The following PCCA variants were observed in gnomAD, a reference collection of about 807,000 sequenced individuals.
PCCA encodes the protein propionyl-CoA carboxylase alpha chain, mitochondrial.
In PCCA, 74 loss-of-function variants were observed where a neutral mutation model predicts 101.3. That is an observed-to-expected ratio of 0.73 (90% CI 0.61 to 0.89). The LOEUF is 0.89. Among genes scored for constraint, PCCA ranks in the 40% least tolerant of loss-of-function variants. PCCA has a pLI of 0.00. For missense variants in PCCA, 891 were observed against 907.0 expected, an observed-to-expected ratio of 0.98 and a Z score of 0.23; for synonymous variants, 294 against 313.6, an observed-to-expected ratio of 0.94 and a Z score of 0.66.
intron 11 of PCCA, 151 bp from the exon 12 acceptor site, chr13:100,273,045 A>G: frequency 1.6e-6 from 1 of 624,842 alleles, no homozygotes; most frequent in South Asian, 2.0e-5. Context: ...CATATATTAT[A>G]AAACATATAT....
intron 23 of PCCA, 108 bp downstream of exon 23, chr13:100,527,860 C>A: frequency 1.2e-6 from 1 of 827,466 alleles, no homozygotes; most frequent in Non-Finnish European, 2.1e-6. Context: ...CGCCCTCTCC[C>A]CCTCGCTTCT....
chr13:100,465,913 C>T (rs1050726450), intron 21 of PCCA, among the ~76,000 whole-genome samples: 4 of 152,316 alleles, frequency 2.6e-5, no homozygotes, highest in South Asian at 2.1e-4. Flanking sequence ...ACATGTTTAG[C>T]GAATAGCTGT....
In PCCA at chr13:100,155,598, AC is replaced by A. The variant is rs1341713765; in HGVS notation, c.414+511del. Among the ~76,000 whole-genome samples, 5 of 152,034 alleles carry A rather than the reference AC, an allele frequency of 3.3e-5. No homozygotes were observed. The East Asian group carries it at 9.6e-4, about 29-fold the overall frequency. On this transcript the variant is annotated intron_variant, in intron 5 of 23. Transcript: ENST00000376285. ...TTTACAAGGATAAATCATTCTCTCC[AC>A]CCCCAGTTCTGTTTGAATAGAGTGG...
chr13:100,446,021 A>G (rs1035674376), intron 20 of PCCA, among the ~76,000 whole-genome samples: 2 of 151,980 alleles, frequency 1.3e-5, no homozygotes, highest in Admixed American at 6.6e-5. Context: ...AATCTTGTTC[A>G]TGTTTTTTTT....
At chr13:100,521,539 A>G (rs942440038) in intron 22 of PCCA, among the ~76,000 whole-genome samples, 4 of 152,176 alleles carry the variant, frequency 2.6e-5, no homozygotes, top group Non-Finnish European at 4.4e-5. Flanking sequence ...TTACATGAAG[A>G]TGTTGGGATG....
chr13:100,412,657 G>A (rs2078125474), intron 19 of PCCA, among the ~76,000 whole-genome samples: 2 of 152,130 alleles, frequency 1.3e-5, no homozygotes, highest in South Asian at 4.1e-4. Context: ...TCAACCTAAT[G>A]GATAGTTAGT....
At chr13:100,409,102 G>T (rs1173255938) in intron 19 of PCCA, among the ~76,000 whole-genome samples, 2 of 152,106 alleles carry the variant, frequency 1.3e-5, no homozygotes, top group Non-Finnish European at 2.9e-5. Flanking sequence ...GGAGGAGGGA[G>T]GTAGGGAGCT....
rs1453675894 is a variant in PCCA at position 100,406,714 on chromosome 13, A to G, written c.1747-18919A>G. Among the ~76,000 whole-genome samples, 5 of 152,242 alleles carry G rather than the reference A, an allele frequency of 3.3e-5. No individual in the cohort carries two copies. The South Asian group carries it at 1.0e-3, about 32-fold the overall frequency. On this transcript the variant is annotated intron_variant, in intron 19 of 23. Transcript: ENST00000376285. ...CAAGAGTGAAACTGTCTCCCCACCC[A>G]AAAAAAGAGAAAAATAGTTCAAAAT...
rs1282588684 is a variant in PCCA at position 100,444,047 on chromosome 13, G to A, written c.1846-5205G>A. ...TCTCTTTGTACAAGATCTGACCTGG[G>A]TTTATAATTCCTTCCTGGTTTCCTT... On this transcript the variant is annotated intron_variant, in intron 20 of 23. Transcript: ENST00000376285. Among the ~76,000 whole-genome samples the A allele has an allele frequency of 2.0e-5, 3 of 151,982 alleles. No homozygotes were observed. The East Asian group carries it at 5.8e-4, about 29-fold the overall frequency.
intron 12 of PCCA, among the ~76,000 whole-genome samples, chr13:100,284,847 C>T (rs1026987845): frequency 1.1e-4 from 16 of 152,206 alleles, no homozygotes; most frequent in African/African-American, 3.9e-4. Context: ...GGATAGCCCT[C>T]ATCGGTTTGG....
chr13:100,307,169 C>A (rs1555413151), intron 14 of PCCA, 23 bp from the exon 15 acceptor site: 2 of 1,570,550 alleles, frequency 1.3e-6, no homozygotes, highest in East Asian at 2.2e-5. Context: ...AATTACTTTT[C>A]TTTTTTTCTT....
chr13:100,413,666 A>G (rs1238893954), intron 19 of PCCA, among the ~76,000 whole-genome samples: 1 of 152,008 alleles, frequency 6.6e-6, no homozygotes, highest in Admixed American at 6.6e-5. Context: ...CCTCACAACC[A>G]CTCCTTGAAT....
rs117700640 is a variant in PCCA, at chr13:100,133,660, T to A, written c.301-21319T>A. On this transcript the variant is annotated intron_variant, in intron 4 of 23. Coordinates refer to ENST00000376285, the MANE Select transcript of PCCA (RefSeq NM_000282.4). ...AAATAGTATTTCTCTATTGTGATGG[T>A]TAATATTGAGTGTCAACTTGATTGG... 3.0e-3 allele frequency among the ~76,000 whole-genome samples: 452 copies of A among 152,240 alleles called. 1 individual carries two copies. Among genetic ancestry groups the A allele is most frequent in the Middle Eastern group, 0.017 (5 of 294 alleles).
At chr13:100,128,291 AC>A (rs1555351775) in intron 4 of PCCA, among the ~76,000 whole-genome samples, 4 of 152,122 alleles carry the variant, frequency 2.6e-5, no homozygotes, top group Non-Finnish European at 5.9e-5. Flanking sequence ...CCCTCCCACC[AC>A]AAAACGAAGT....
At chr13:100,427,216 CCAAAACAAACAAA>C (rs1205182089) in intron 20 of PCCA, among the ~76,000 whole-genome samples, 18 of 152,218 alleles carry the variant, frequency 1.2e-4, no homozygotes, top group South Asian at 4.2e-4. Context: ...GACTCTGTCT[CCAAAACAAACAAA>C]CAAAACAAAC....
intron 17 of PCCA, among the ~76,000 whole-genome samples, chr13:100,335,748 G>A (rs544500673): frequency 2.6e-5 from 4 of 152,180 alleles, no homozygotes; most frequent in Admixed American, 2.6e-4. Context: ...TTGTTCCTCA[G>A]TTGGTTCCCA....
At chr13:100,197,496 G>C (rs1381603305) in intron 6 of PCCA, among the ~76,000 whole-genome samples, 1 of 152,098 alleles carries the variant, frequency 6.6e-6, no homozygotes, top group Non-Finnish European at 1.5e-5. Context: ...CCAGGCTGGA[G>C]CACAGTGGTG....
intron 19 of PCCA, among the ~76,000 whole-genome samples, chr13:100,387,779 G>A (rs1290251453): frequency 6.6e-6 from 1 of 152,172 alleles, no homozygotes; most frequent in Non-Finnish European, 1.5e-5. Flanking sequence ...GATCCTGCCC[G>A]TGTACTCTGG....
At chr13:100,110,840 C>T (rs2048241628) in intron 2 of PCCA, among the ~76,000 whole-genome samples, 1 of 152,010 alleles carries the variant, frequency 6.6e-6, no homozygotes, top group East Asian at 1.9e-4. Context: ...CGGAATCTTG[C>T]TCTGTCACCC....
Sources: allele counts gnomAD v4.1 joint callset (sites outside exome capture counted in the v4.1 genomes callset), GRCh38; gene constraint gnomAD v4.1.1; transcripts MANE v1.5; gene names NCBI Gene and HGNC (gene_info 2026-07-23, HGNC 2026-07-21).